The following FN1 variants were observed in gnomAD, a reference collection of about 807,000 sequenced individuals.
FN1 encodes fibronectin 1.
Under a neutral mutation model 297.3 loss-of-function variants are expected in FN1, and 106 were observed. The observed-to-expected ratio is 0.36, with a 90% CI of 0.30 to 0.42. The LOEUF (loss-of-function observed/expected upper bound fraction) is 0.42. Ranked by LOEUF, FN1 falls within the 10% of genes least tolerant of loss-of-function variation. The probability of loss-of-function intolerance (pLI) is 1.00; values close to 1 mark genes in which losing one functional copy is unlikely to be tolerated. For missense variants in FN1, 2,690 were observed against 3,124.9 expected, an observed-to-expected ratio of 0.86 and a Z score of 3.32; for synonymous variants, 1,149 against 1,152.6, an observed-to-expected ratio of 1.00 and a Z score of 0.06.
At chr2:215,412,560 C>T (rs564946234) in intron 13 of FN1, among the ~76,000 whole-genome samples, 2 of 152,238 alleles carry the variant, frequency 1.3e-5, no homozygotes, top group East Asian at 3.9e-4. Flanking sequence ...CCTCAGCCTC[C>T]CAAGTAGCTG....
chr2:215,370,538 G>GAAAAAAAAA, intron 40 of FN1, 106 bp from the exon 41 acceptor site: 1 of 393,390 alleles, frequency 2.5e-6, no homozygotes, highest in Non-Finnish European at 3.8e-6. Context: ...AGCAAAGGAA[G>GAAAAAAAAA]ACAAAAAACA....
rs764633221 is a variant in FN1, at chr2:215,419,294, G to A, written c.1767C>T (p.Cys589=). ...YVHGVRYQCY[C]YGRGIGEWHC... is the part of the protein sequence containing the mutation. ...GCCACTCCCCAATGCCACGGCCATA[G>A]CAGTAGCACTGGTATCTGACACCAT... is the stretch of plus-strand genomic sequence containing the variant. Residue 589 remains cysteine, a synonymous_variant, in exon 12 of 46, where the codon TGC becomes TGT. Coordinates refer to ENST00000354785, the MANE Select transcript of FN1 (RefSeq NM_212482.4). 3 of 1,612,488 alleles carry A rather than the reference G, an allele frequency of 1.9e-6. No homozygotes were observed. Among genetic ancestry groups the A allele is most frequent in the Non-Finnish European group, 2.5e-6 (3 of 1,178,522 alleles).
rs545608247 is a variant in FN1 at position 215,401,349 on chromosome 2, A to G, written c.3254-1998T>C. On this transcript the variant is annotated intron_variant, in intron 20 of 45. Transcript: ENST00000354785. ...AAAGAAAGAAAGGGAAAGGAAAGGA[A>G]AGAAAAAGAAAGAAAGAGGCATGTA... 1.7e-4 allele frequency among the ~76,000 whole-genome samples: 26 copies of G among 152,150 alleles called. No homozygotes were observed. In the East Asian group the frequency reaches 4.8e-3, roughly 28 times the overall value.
At position 215,372,228 on chromosome 2, in the gene FN1, C is replaced by T. The variant is rs2056357112; in HGVS notation, c.6395G>A (p.Gly2132Asp). The T allele has an allele frequency of 6.2e-7, 1 of 1,614,062 alleles. No homozygotes were observed. The highest frequency in any genetic ancestry group is 1.1e-5 in the South Asian group (1 of 91,088). The stretch of plus-strand genomic sequence containing the variant: ...TTGTTGCCCAACACTGGGTTGCTGA[C>T]CAGAAGTGCCAGGAAGCTGAATACC... ...GNGIQLPGTS[G>D]QQPSVGQQMI... Residue 2132 changes from glycine to aspartate, a missense_variant, in exon 40 of 46, where the codon GGT (glycine) becomes GAT (aspartate). Gly to Asp is a moderately conservative substitution (Grantham distance 94). This residue lies in a region of FN1 where 1,743 missense variants were observed against 1,945.2 expected (regional missense o/e 0.90). Coordinates refer to ENST00000354785, the MANE Select transcript of FN1 (RefSeq NM_212482.4).
intron 13 of FN1, among the ~76,000 whole-genome samples, chr2:215,412,319 T>C (rs1458304410): frequency 6.6e-6 from 1 of 152,214 alleles, no homozygotes; most frequent in Non-Finnish European, 1.5e-5. Context: ...TCTGTTTCCA[T>C]TTTCTATTAT....
rs140721264 is a variant in FN1, at chr2:215,362,077, G to A, written c.7254C>T (p.Gly2418=). The A allele has an allele frequency of 6.2e-7, 1 of 1,612,972 alleles. No homozygotes were observed. Among genetic ancestry groups the A allele is most frequent in the Non-Finnish European group, 8.5e-7 (1 of 1,179,102 alleles). The change falls in exon 45 of 46, where the codon GGC becomes GGT. Residue 2418 remains glycine, a splice_region_variant and synonymous_variant. Transcript: ENST00000354785. ...CSCTCFGGQR[G]WRCDNCRRPG... Reference sequence around the variant, plus strand: ...GTCTGCGGCAGTTGTCACAGCGCCAGCCCTGAGAGAGTAGAGGCATGAAGT... The same window carrying A: ...GTCTGCGGCAGTTGTCACAGCGCCAACCCTGAGAGAGTAGAGGCATGAAGT...
chr2:215,433,071 CAGAA>C (rs2066804519), intron 3 of FN1, among the ~76,000 whole-genome samples: 1 of 152,082 alleles, frequency 6.6e-6, no homozygotes, highest in Non-Finnish European at 1.5e-5. Flanking sequence ...CTACTATGTA[CAGAA>C]ACACACACAC....
intron 3 of FN1, among the ~76,000 whole-genome samples, chr2:215,432,565 T>A (rs79134389): frequency 0.01 from 1,525 of 152,288 alleles, 32 homozygotes; most frequent in African/African-American, 0.035. Flanking sequence ...ACATGAAATA[T>A]GGGGAAAGTT....
chr2:215,383,713 G>A (rs1325598150), intron 30 of FN1, among the ~76,000 whole-genome samples: 1 of 152,150 alleles, frequency 6.6e-6, no homozygotes, highest in African/African-American at 2.4e-5. Context: ...CATTCCACAA[G>A]CAGGTGTCTC....
At chr2:215,401,579 G>GA (rs1294409249) in intron 20 of FN1, among the ~76,000 whole-genome samples, 6 of 151,994 alleles carry the variant, frequency 3.9e-5, no homozygotes, top group South Asian at 2.1e-4. Flanking sequence ...TTCCCATTGG[G>GA]AAAAAACCTC....
chr2:215,420,872 TC>T, intron 10 of FN1, 71 bp from the exon 11 acceptor site: 13 of 1,408,064 alleles, frequency 9.2e-6, no homozygotes, highest in Non-Finnish European at 1.2e-5. Context: ...AAGGTATGCT[TC>T]TCAAAGCATA....
intron 13 of FN1, among the ~76,000 whole-genome samples, chr2:215,411,408 A>G (rs1289189267): frequency 6.6e-6 from 1 of 152,230 alleles, no homozygotes; most frequent in East Asian, 1.9e-4. Context: ...GGAATAAGCG[A>G]GAGTGATCGT....
intron 12 of FN1, among the ~76,000 whole-genome samples, chr2:215,416,943 T>C (rs1273966004): frequency 3.4e-5 from 5 of 147,142 alleles, no homozygotes; most frequent in East Asian, 2.0e-4. Context: ...CCCTGTGGCA[T>C]AGCCCACCTT....
Position 215,391,748 on chromosome 2 carries a change from G to T in FN1, c.4136C>A (p.Ala1379Asp), listed in dbSNP as rs1451003413. Residue 1379 changes from alanine to aspartate, a missense_variant, in exon 26 of 46, where the codon GCT becomes GAT. This residue lies in a region of FN1 where 1,743 missense variants were observed against 1,945.2 expected (regional missense o/e 0.90). Transcript: ENST00000354785. Reference protein sequence around the residue: ...IGPDTMRVTWAPPPSIDLTNF... With the variant: ...IGPDTMRVTWDPPPSIDLTNF... Reference sequence around the variant, plus strand: ...GGTTAAATCAATGGATGGGGGTGGAGCCCAGGTGACACGCATGGTGTCTGG... The same window carrying T: ...GGTTAAATCAATGGATGGGGGTGGATCCCAGGTGACACGCATGGTGTCTGG... The T allele has an allele frequency of 6.2e-7, 1 of 1,614,010 alleles. No homozygotes were observed. The highest frequency in any genetic ancestry group is 1.1e-5 in the South Asian group (1 of 91,086).
intron 12 of FN1, among the ~76,000 whole-genome samples, chr2:215,417,352 A>T (rs945829582): frequency 2.0e-5 from 3 of 152,228 alleles, no homozygotes; most frequent in Non-Finnish European, 2.9e-5. Flanking sequence ...TTAGTTTCAA[A>T]TAAAGTCTAA....
chr2:215,366,414 C>T (rs1243363064), intron 42 of FN1, among the ~76,000 whole-genome samples: 1 of 152,164 alleles, frequency 6.6e-6, no homozygotes, highest in South Asian at 2.1e-4. Context: ...CTCTACACGC[C>T]ACCACCTGTT....
In FN1 at chr2:215,371,466, A is replaced by ATGTC. The variant is rs762612043; in HGVS notation, c.6714+442_6714+443insGACA. Among the ~76,000 whole-genome samples the ATGTC allele has an allele frequency of 5.1e-3, 381 of 74,906 alleles. 1 individual carries two copies. Among genetic ancestry groups the ATGTC allele is most frequent in the Non-Finnish European group, 7.2e-3 (225 of 31,446 alleles). The allele number at this position is 74,906 out of a possible 152,430, so 49.1% of individuals were successfully genotyped here. On this transcript the variant is annotated intron_variant, in intron 40 of 45. Coordinates refer to ENST00000354785, the MANE Select transcript of FN1 (RefSeq NM_212482.4). ...GCACACAAATGGAAATTCAGGTAGA[A>ATGTC]TATCTTTCTTTTCTAGAATCATCTA... is the stretch of plus-strand genomic sequence containing the variant.
rs923717610 is a variant in FN1, at chr2:215,375,095, A to G, written c.6157+119T>C. On this transcript the variant is annotated intron_variant, in intron 38 of 45. Coordinates refer to ENST00000354785, the MANE Select transcript of FN1 (RefSeq NM_212482.4). ...TACACAGAGAATGCTTTTTGAGGTT[A>G]TCAGGAACAGAGTTTCGCATTCTCA... is the stretch of plus-strand genomic sequence containing the variant. 1.5e-4 allele frequency: 160 copies of G among 1,038,310 alleles called. 2 individuals are homozygous for G. In the Middle Eastern group the frequency reaches 2.7e-3, roughly 17 times the overall value. 64.3% of individuals were successfully genotyped at this position (1,038,310 alleles called of 1,614,324 possible).
rs2064532678 is a variant in FN1, at chr2:215,422,262, G to T, written c.1394-19C>A. 6 of 1,612,162 alleles carry T rather than the reference G, an allele frequency of 3.7e-6. No individual in the cohort carries two copies. In the South Asian group the frequency reaches 6.6e-5, roughly 18 times the overall value. The stretch of plus-strand genomic sequence containing the variant: ...TCGTGGGCTGTTTGGAAATGGATAA[G>T]AAATGCACTTGATAAATGATCACCA... On this transcript the variant is annotated intron_variant, in intron 9 of 45. Coordinates refer to ENST00000354785, the MANE Select transcript of FN1 (RefSeq NM_212482.4).
Sources: allele counts gnomAD v4.1 joint callset (sites outside exome capture counted in the v4.1 genomes callset), GRCh38; gene constraint gnomAD v4.1.1; regional missense constraint gnomAD v4.1.1; transcripts MANE v1.5; gene names NCBI Gene and HGNC (gene_info 2026-07-23, HGNC 2026-07-21).